Variants in FUT8 observed in about 807,000 individuals in gnomAD.
FUT8 encodes alpha-(1,6)-fucosyltransferase.
FUT8 carries 29 observed loss-of-function variants against 71.3 expected under a neutral mutation model. The ratio of observed to expected loss-of-function variants is 0.41; its 90% confidence interval spans 0.30 to 0.55. FUT8 has a LOEUF of 0.55. FUT8 is among the 20% of genes least tolerant of loss of function. FUT8 has a pLI of 0.34. For synonymous variants in FUT8, 254 were observed against 239.3 expected (o/e 1.06, Z -0.57); for missense variants, 544 against 702.1 (o/e 0.77, Z 2.55).
intron 3 of FUT8, among the ~76,000 whole-genome samples, chr14:65,613,640 A>G (rs1243200554): frequency 6.6e-6 from 1 of 152,228 alleles, no homozygotes; most frequent in East Asian, 1.9e-4. Context: ...TAATGCGTAC[A>G]ATTTTACAGG....
intron 7 of FUT8, among the ~76,000 whole-genome samples, chr14:65,704,171 AT>A (rs1213715545): frequency 2.0e-5 from 3 of 152,174 alleles, no homozygotes. Context: ...AAGTATGCTA[AT>A]TACAGAGGCA....
At chr14:65,407,809 ATCTG>A (rs1378935432), upstream of FUT8, among the ~76,000 whole-genome samples, 2 of 152,224 alleles carry the variant, frequency 1.3e-5, no homozygotes, top group African/African-American at 4.8e-5. Flanking sequence ...AGGGTTTTCT[ATCTG>A]TCTGCCATCG....
At chr14:65,575,949 A>C (rs1443745765) in intron 3 of FUT8, among the ~76,000 whole-genome samples, 1 of 152,196 alleles carries the variant, frequency 6.6e-6, no homozygotes, top group Non-Finnish European at 1.5e-5. Flanking sequence ...TTCAGTTTTC[A>C]AAATATAGAT....
chr14:65,451,814 T>C (rs146597900), intron 1 of FUT8, among the ~76,000 whole-genome samples: 1 of 152,266 alleles, frequency 6.6e-6, no homozygotes, highest in African/African-American at 2.4e-5. Flanking sequence ...TCAAGCCACC[T>C]CTCTCCAATA....
intron 1 of FUT8, among the ~76,000 whole-genome samples, chr14:65,454,224 C>A (rs2065867074): frequency 6.6e-6 from 1 of 152,154 alleles, no homozygotes; most frequent in Non-Finnish European, 1.5e-5. Context: ...TACAATAAAC[C>A]TTTGCTGACT....
At chr14:65,547,492 G>C (rs1388244593) in intron 2 of FUT8, among the ~76,000 whole-genome samples, 1 of 151,454 alleles carries the variant, frequency 6.6e-6, no homozygotes, top group African/African-American at 2.4e-5. Flanking sequence ...AGGGGGCAGG[G>C]TGGAAAAAAG....
chr14:65,473,067 G>T (rs185095376), intron 2 of FUT8, among the ~76,000 whole-genome samples: 151 of 152,096 alleles, frequency 9.9e-4, no homozygotes, highest in Non-Finnish European at 1.8e-3. Context: ...TACCATGTTG[G>T]TATATGTGCC....
At chr14:65,612,880 T>G (rs1475023877) in intron 3 of FUT8, among the ~76,000 whole-genome samples, 1 of 152,228 alleles carries the variant, frequency 6.6e-6, no homozygotes, top group African/African-American at 2.4e-5. Context: ...GGAAGTCTTA[T>G]ATATCTGTAT....
chr14:65,402,196 ATTTTTTTTTT>A, the FUT8 span, among the ~76,000 whole-genome samples: 1 of 75,832 alleles, frequency 1.3e-5, no homozygotes, highest in South Asian at 5.7e-4. Context: ...ATGGAGTGTG[ATTTTTTTTTT>A]TTTTTTTTTT....
intron 1 of FUT8, among the ~76,000 whole-genome samples, chr14:65,450,243 C>T (rs2065801867): frequency 6.6e-6 from 1 of 152,096 alleles, no homozygotes; most frequent in African/African-American, 2.4e-5. Context: ...TGACTCTGTT[C>T]AATATTACAG....
At chr14:65,402,184 AGAT>A in the FUT8 span, among the ~76,000 whole-genome samples, 1 of 148,890 alleles carries the variant, frequency 6.7e-6, no homozygotes, top group Non-Finnish European at 1.5e-5. Context: ...GGAGCCCAAA[AGAT>A]GGAGTGTGAT....
the FUT8 span, among the ~76,000 whole-genome samples, chr14:65,373,339 C>T: frequency 1.3e-5 from 2 of 150,968 alleles, no homozygotes; most frequent in Non-Finnish European, 2.9e-5. Context: ...CCATATAAAC[C>T]CCAAACCCCA....
chr14:65,463,051 G>GT (rs1001220654), intron 2 of FUT8, among the ~76,000 whole-genome samples: 4 of 152,088 alleles, frequency 2.6e-5, no homozygotes, highest in African/African-American at 9.7e-5. Flanking sequence ...ACTACATGTT[G>GT]TAACAATGGT....
At chr14:65,481,684 A>G (rs2066333362) in intron 2 of FUT8, among the ~76,000 whole-genome samples, 1 of 152,016 alleles carries the variant, frequency 6.6e-6, no homozygotes, top group Non-Finnish European at 1.5e-5. Context: ...TGCCTTTTCT[A>G]AAGTTTTTTT....
intron 1 of FUT8, among the ~76,000 whole-genome samples, chr14:65,446,795 C>CT (rs766854442): frequency 2.0e-3 from 287 of 143,286 alleles, no homozygotes; most frequent in East Asian, 6.5e-3. Flanking sequence ...CCCTCTCTCT[C>CT]TTTTTTTTTT....
intron 7 of FUT8, among the ~76,000 whole-genome samples, chr14:65,712,376 C>G (rs1894848544): frequency 6.6e-6 from 1 of 152,100 alleles, no homozygotes; most frequent in Non-Finnish European, 1.5e-5. Context: ...CTTTAGAGTT[C>G]AAGGTAAAAA....
intron 8 of FUT8, among the ~76,000 whole-genome samples, chr14:65,723,803 A>G (rs760679395): frequency 6.6e-6 from 1 of 152,212 alleles, no homozygotes; most frequent in Non-Finnish European, 1.5e-5. Flanking sequence ...CTTAAGTTGT[A>G]TTCAGTTTTT....
At chr14:65,358,123 A>G in the FUT8 span, among the ~76,000 whole-genome samples, 1 of 152,214 alleles carries the variant, frequency 6.6e-6, no homozygotes, top group East Asian at 1.9e-4. Flanking sequence ...GTTCCATTAC[A>G]TGGTAGGGTG....
the FUT8 span, among the ~76,000 whole-genome samples, chr14:65,383,279 T>TTTTTTTC: frequency 1.5e-5 from 2 of 137,412 alleles, no homozygotes; most frequent in East Asian, 2.0e-4. Flanking sequence ...TTTTTTTTTT[T>TTTTTTTC]TTTTTTTTTT....
Sources: allele counts gnomAD v4.1 joint callset (sites outside exome capture counted in the v4.1 genomes callset), GRCh38; gene constraint gnomAD v4.1.1; transcripts MANE v1.5; gene names NCBI Gene and HGNC (gene_info 2026-07-23, HGNC 2026-07-21).